The following CDH12 variants were observed in gnomAD, a reference collection of about 807,000 sequenced individuals.
The protein encoded by CDH12 is cadherin-12.
A neutral mutation model predicts 74.1 loss-of-function variants in CDH12; 41 were observed. The ratio of observed to expected loss-of-function variants is 0.55; its 90% CI spans 0.43 to 0.72. The LOEUF (loss-of-function observed/expected upper bound fraction) is 0.72. Among genes scored for constraint, CDH12 ranks in the 30% least tolerant of loss-of-function variants. The pLI, the probability that CDH12 is intolerant of heterozygous loss-of-function variation, is 0.00. For missense variants in CDH12, 945 were observed against 977.2 expected (o/e 0.97, Z 0.44); for synonymous variants, 399 against 355.0 (o/e 1.12, Z -1.39).
intron 3 of CDH12, among the ~76,000 whole-genome samples, chr5:22,341,910 T>C (rs975979818): frequency 5.3e-5 from 8 of 151,992 alleles, no homozygotes; most frequent in African/African-American, 1.9e-4. Context: ...AGAGAGTGTC[T>C]TAGTCAGTTT....
intron 1 of CDH12, among the ~76,000 whole-genome samples, chr5:22,794,925 G>T (rs1748108655): frequency 1.3e-5 from 2 of 151,816 alleles, no homozygotes; most frequent in South Asian, 4.2e-4. Flanking sequence ...TGGAGATGAT[G>T]TTTTGATGTT....
chr5:22,585,000 T>C (rs1445560526), intron 1 of CDH12, among the ~76,000 whole-genome samples: 1 of 152,230 alleles, frequency 6.6e-6, no homozygotes, highest in Admixed American at 6.5e-5. Context: ...ATAAGCTAGC[T>C]TTCAGTTCAG....
At chr5:22,421,996 G>T (rs1200673959) in intron 2 of CDH12, among the ~76,000 whole-genome samples, 1 of 152,162 alleles carries the variant, frequency 6.6e-6, no homozygotes, top group East Asian at 1.9e-4. Flanking sequence ...CTTTTGAGAA[G>T]TGTCTGTTTA....
At chr5:22,434,796 T>A (rs1408005854) in intron 2 of CDH12, among the ~76,000 whole-genome samples, 1 of 152,136 alleles carries the variant, frequency 6.6e-6, no homozygotes, top group Non-Finnish European at 1.5e-5. Flanking sequence ...CTCAGCAAAG[T>A]TCTTCAATAC....
intron 4 of CDH12, among the ~76,000 whole-genome samples, chr5:22,159,769 T>C (rs2150317783): frequency 6.6e-6 from 1 of 152,332 alleles, no homozygotes; most frequent in East Asian, 1.9e-4. Flanking sequence ...TTAAATATAC[T>C]GGAATCAGGT....
At chr5:22,103,314 GA>G (rs1744255251) in intron 4 of CDH12, among the ~76,000 whole-genome samples, 1 of 131,680 alleles carries the variant, frequency 7.6e-6, no homozygotes, top group Admixed American at 7.8e-5. Context: ...TATGATAGGT[GA>G]AAAATAGGTT....
At chr5:22,202,944 CT>C (rs1751006762) in intron 4 of CDH12, among the ~76,000 whole-genome samples, 1 of 152,008 alleles carries the variant, frequency 6.6e-6, no homozygotes, top group Non-Finnish European at 1.5e-5. Context: ...TTTCATGTGT[CT>C]TTTTAAATTT....
At chr5:21,843,556 C>T (rs1317898701) in intron 7 of CDH12, among the ~76,000 whole-genome samples, 1 of 150,418 alleles carries the variant, frequency 6.6e-6, no homozygotes, top group Non-Finnish European at 1.5e-5. Context: ...CTCTTGTTGC[C>T]CAGGCTGGAG....
At chr5:22,093,782 C>T (rs988499091) in intron 4 of CDH12, among the ~76,000 whole-genome samples, 12 of 152,146 alleles carry the variant, frequency 7.9e-5, no homozygotes, top group East Asian at 3.9e-4. Flanking sequence ...GAAGTTATAT[C>T]GCAATAAAGT....
At chr5:22,711,707 A>G (rs1743296938) in intron 1 of CDH12, among the ~76,000 whole-genome samples, 1 of 152,092 alleles carries the variant, frequency 6.6e-6, no homozygotes, top group Non-Finnish European at 1.5e-5. Context: ...GAAACAATCT[A>G]TCAATTTACT....
At chr5:21,901,904 T>C (rs1354756740) in intron 6 of CDH12, among the ~76,000 whole-genome samples, 1 of 111,882 alleles carries the variant, frequency 8.9e-6, no homozygotes, top group African/African-American at 2.6e-5. Flanking sequence ...GTTATAATTA[T>C]GACTTTATTG....
intron 6 of CDH12, among the ~76,000 whole-genome samples, chr5:21,949,436 C>T (rs188023212): frequency 0.014 from 1,894 of 138,888 alleles, 14 homozygotes; most frequent in African/African-American, 0.026. Context: ...TGCGACAGAA[C>T]GAGACTCTGT....
chr5:22,005,496 G>T (rs1736893373), intron 5 of CDH12, among the ~76,000 whole-genome samples: 1 of 150,792 alleles, frequency 6.6e-6, no homozygotes, highest in Non-Finnish European at 1.5e-5. Flanking sequence ...TAGATATACA[G>T]CAGTGGGTCA....
intron 3 of CDH12, among the ~76,000 whole-genome samples, chr5:22,297,435 G>A (rs1737680247): frequency 6.6e-6 from 1 of 152,104 alleles, no homozygotes; most frequent in African/African-American, 2.4e-5. Context: ...TTTAAATTAT[G>A]CAAAGGCTTA....
chr5:22,246,265 A>T (rs1752940677), intron 3 of CDH12, among the ~76,000 whole-genome samples: 1 of 152,176 alleles, frequency 6.6e-6, no homozygotes, highest in South Asian at 2.1e-4. Flanking sequence ...CACATTTATC[A>T]GGAAGACATA....
intron 1 of CDH12, among the ~76,000 whole-genome samples, chr5:22,629,232 C>A (rs912897648): frequency 6.6e-6 from 1 of 152,006 alleles, no homozygotes; most frequent in East Asian, 1.9e-4. Context: ...AGAGGATCTC[C>A]TACCCTAACT....
At chr5:22,159,803 T>C (rs1459755401) in intron 4 of CDH12, among the ~76,000 whole-genome samples, 1 of 152,222 alleles carries the variant, frequency 6.6e-6, no homozygotes, top group Non-Finnish European at 1.5e-5. Flanking sequence ...ATTTAAATAG[T>C]TTAATAGTTC....
At chr5:21,829,361 T>A (rs1342547077) in intron 8 of CDH12, among the ~76,000 whole-genome samples, 2 of 152,190 alleles carry the variant, frequency 1.3e-5, no homozygotes. Context: ...TTACACTAGC[T>A]TTTAAAGAGG....
intron 1 of CDH12, among the ~76,000 whole-genome samples, chr5:22,624,560 T>A (rs1471604372): frequency 6.6e-6 from 1 of 151,944 alleles, no homozygotes; most frequent in Admixed American, 6.6e-5. Flanking sequence ...CATGAAAAAA[T>A]GCTCATCATC....
Sources: gnomAD v4.1 joint callset for allele counts (sites outside exome capture counted in the v4.1 genomes callset) on GRCh38, gnomAD v4.1.1 for gene constraint, MANE v1.5 for transcripts, NCBI Gene and HGNC (gene_info 2026-07-23, HGNC 2026-07-21) for gene names.